The following PURG variants were observed in gnomAD, a reference collection of about 807,000 sequenced individuals.
PURG encodes the protein purine-rich element-binding protein gamma.
In PURG, 3 loss-of-function variants were observed where a neutral mutation model predicts 24.3. The ratio of observed to expected loss-of-function variants is 0.12; its 90% CI spans 0.06 to 0.32. PURG has a LOEUF of 0.32. Among genes scored for constraint, PURG ranks in the 10% least tolerant of loss-of-function variants. PURG has a pLI of 1.00. For missense variants in PURG, 371 were observed against 439.1 expected (o/e 0.84, Z 1.39); for synonymous variants, 180 against 173.1 (o/e 1.04, Z -0.31).
In PURG at chr8:31,016,581, C is replaced by CGAAAAAAA. The variant is rs1810871597; in HGVS notation, c.864+15337_864+15338insTTTTTTTC. On this transcript the variant is annotated intron_variant, in intron 1 of 1. Coordinates refer to the PURG transcript ENST00000339382. ...GAAAGAATGCAAGTCTACCAAGAAC[C>CGAAAAAAA]AAAAAAAAAAAAAAAAAAAAAAAAA... is the stretch of plus-strand genomic sequence containing the variant. Among the ~76,000 whole-genome samples the CGAAAAAAA allele has an allele frequency of 3.5e-5, 2 of 57,532 alleles. 1 individual carries two copies. Among genetic ancestry groups the CGAAAAAAA allele is most frequent in the African/African-American group, 1.5e-4 (2 of 13,790 alleles). The allele number at this position is 57,532 out of a possible 152,430, so 37.7% of individuals were successfully genotyped here.
chr8:31,027,445 T>A (rs1456626296), downstream of PURG, among the ~76,000 whole-genome samples: 1 of 151,714 alleles, frequency 6.6e-6, no homozygotes, highest in Non-Finnish European at 1.5e-5. Flanking sequence ...TCAAATTAAG[T>A]CCTATTCATT....
chr8:31,016,798 G>A (rs953518733), intron 1 of PURG, among the ~76,000 whole-genome samples: 8 of 152,024 alleles, frequency 5.3e-5, no homozygotes, highest in Non-Finnish European at 1.0e-4. Context: ...TTGTGTTTGA[G>A]AATCACTGGA....
At chr8:31,013,609 C>T (rs572611932) in intron 1 of PURG, among the ~76,000 whole-genome samples, 3 of 152,220 alleles carry the variant, frequency 2.0e-5, no homozygotes, top group East Asian at 3.9e-4. Context: ...TGGTGGCGGG[C>T]GCCTGTAATC....
At chr8:30,999,986 AAC>A (rs1211717425) in intron 1 of PURG, among the ~76,000 whole-genome samples, 1 of 152,054 alleles carries the variant, frequency 6.6e-6, no homozygotes, top group Non-Finnish European at 1.5e-5. Context: ...AATAAAAAAA[AAC>A]CACACTGGTT....
downstream of PURG, among the ~76,000 whole-genome samples, chr8:31,029,525 TATAG>T (rs1811150732): frequency 6.6e-6 from 1 of 151,778 alleles, no homozygotes; most frequent in East Asian, 1.9e-4. Context: ...TGTGTATATA[TATAG>T]ATATAGACAC....
intron 1 of PURG, among the ~76,000 whole-genome samples, chr8:31,011,541 A>C (rs1810763590): frequency 6.6e-6 from 1 of 152,224 alleles, no homozygotes; most frequent in African/African-American, 2.4e-5. Context: ...TATTTAAAGG[A>C]TAAATTGATA....
At chr8:31,000,139 C>T (rs538824820) in intron 1 of PURG, among the ~76,000 whole-genome samples, 4 of 152,088 alleles carry the variant, frequency 2.6e-5, no homozygotes, top group Admixed American at 1.3e-4. Flanking sequence ...CCTATAAAGT[C>T]CAGCAAAAAA....
chr8:30,996,788 G>T, intron 1 of PURG: 1 of 974,030 alleles, frequency 1.0e-6, no homozygotes, highest in Non-Finnish European at 1.5e-6. Flanking sequence ...AATTAATCTC[G>T]TTGAAAACCT....
intron 1 of PURG, among the ~76,000 whole-genome samples, chr8:31,013,069 G>A (rs1041359206): frequency 6.6e-6 from 1 of 152,058 alleles, no homozygotes; most frequent in Non-Finnish European, 1.5e-5. Context: ...TAAAACATTT[G>A]CATCAAATAA....
intron 1 of PURG, among the ~76,000 whole-genome samples, chr8:31,010,458 G>T (rs1810741620): frequency 6.6e-6 from 1 of 152,230 alleles, no homozygotes; most frequent in Non-Finnish European, 1.5e-5. Flanking sequence ...AGAGTTTACT[G>T]AGTGCAGAAT....
intron 1 of PURG, among the ~76,000 whole-genome samples, chr8:31,015,278 C>G (rs114782443): frequency 0.012 from 1,757 of 152,186 alleles, 36 homozygotes; most frequent in African/African-American, 0.04. Context: ...CTGAACACAA[C>G]ATTACTGAAC....
intron 1 of PURG, among the ~76,000 whole-genome samples, chr8:31,005,826 A>C (rs1451235917): frequency 6.6e-6 from 1 of 150,580 alleles, no homozygotes; most frequent in African/African-American, 2.5e-5. Flanking sequence ...CATAGAGAAC[A>C]ACACGCCCTG....
intron 1 of PURG, among the ~76,000 whole-genome samples, chr8:31,003,139 T>C (rs1035606490): frequency 5.9e-5 from 9 of 152,140 alleles, no homozygotes; most frequent in Admixed American, 1.3e-4. Context: ...AAGTAGGTCA[T>C]GTGAAAGGGA....
At chr8:31,021,912 C>T in intron 1 of PURG, among the ~76,000 whole-genome samples, 1 of 151,918 alleles carries the variant, frequency 6.6e-6, no homozygotes, top group East Asian at 1.9e-4. Context: ...CTTTTCTTAC[C>T]ACCTGCTCTT....
intron 1 of PURG, among the ~76,000 whole-genome samples, chr8:31,013,430 A>G (rs976438892): frequency 6.6e-6 from 1 of 152,200 alleles, no homozygotes; most frequent in Non-Finnish European, 1.5e-5. Flanking sequence ...TCAGGCTGGA[A>G]TTCATTGTAC....
intron 1 of PURG, among the ~76,000 whole-genome samples, chr8:31,011,030 T>C (rs1810750488): frequency 6.6e-6 from 1 of 152,042 alleles, no homozygotes; most frequent in African/African-American, 2.4e-5. Context: ...GACACAGAGG[T>C]GTTAGTAAAT....
chr8:30,998,049 A>G (rs1382373847), intron 1 of PURG, among the ~76,000 whole-genome samples: 1 of 151,854 alleles, frequency 6.6e-6, no homozygotes, highest in Non-Finnish European at 1.5e-5. Context: ...TTGCCTTTAC[A>G]TTTGATCAAC....
downstream of PURG, among the ~76,000 whole-genome samples, chr8:31,030,323 G>A (rs1811169686): frequency 6.6e-6 from 1 of 151,952 alleles, no homozygotes. Context: ...TTATTGTGTG[G>A]GAGGTGAATA....
chr8:31,008,432 T>C (rs565610218), intron 1 of PURG, among the ~76,000 whole-genome samples: 1 of 152,124 alleles, frequency 6.6e-6, no homozygotes, highest in African/African-American at 2.4e-5. Context: ...GCCTCCCGAG[T>C]AGCTGGGATT....
Sources: gnomAD v4.1 joint callset for allele counts (sites outside exome capture counted in the v4.1 genomes callset) on GRCh38, gnomAD v4.1.1 for gene constraint, MANE v1.5 for transcripts, NCBI Gene and HGNC (gene_info 2026-07-23, HGNC 2026-07-21) for gene names.